The following PDE1B variants were observed in gnomAD, a reference collection of about 807,000 sequenced individuals.
PDE1B encodes phosphodiesterase 1B.
PDE1B carries 13 observed loss-of-function variants against 66.7 expected under a neutral mutation model. The observed-to-expected ratio is 0.19, with a 90% CI of 0.13 to 0.31. The LOEUF (loss-of-function observed/expected upper bound fraction) is 0.31, where lower values mean the gene tolerates loss of function less well. Ranked by LOEUF, PDE1B falls within the 10% of genes least tolerant of loss-of-function variation. The pLI is 1.00. For missense variants in PDE1B, 485 were observed against 682.3 expected (o/e 0.71, Z 3.22); for synonymous variants, 230 against 253.9 (o/e 0.91, Z 0.90).
chr12:54,570,493 C>T (rs1333236775), intron 6 of PDE1B, 136 bp downstream of exon 6: 13 of 662,040 alleles, frequency 2.0e-5, no homozygotes, highest in South Asian at 1.1e-4. Flanking sequence ...CCCATGCCCA[C>T]GCCCAGCCTA....
chr12:54,556,734 A>G (rs1277680471), intron 2 of PDE1B, among the ~76,000 whole-genome samples: 1 of 152,130 alleles, frequency 6.6e-6, no homozygotes, highest in Admixed American at 6.5e-5. Flanking sequence ...AAAGAGCCAG[A>G]CTTCCAGGTC....
chr12:54,549,836 C>G, intron 1 of PDE1B, 24 bp from the exon 2 acceptor site: 1 of 1,511,498 alleles, frequency 6.6e-7, no homozygotes, highest in Non-Finnish European at 9.2e-7. Flanking sequence ...AGCCGAGGTG[C>G]TGTCTCCTCC....
chr12:54,577,479 T>C (rs539520159), intron 15 of PDE1B, 134 bp downstream of exon 15: 21 of 1,598,610 alleles, frequency 1.3e-5, no homozygotes, highest in Admixed American at 5.0e-5. Context: ...AGTGAAGACA[T>C]AGAATGGAGC....
At chr12:54,564,598 G>A (rs575626886) in intron 2 of PDE1B, among the ~76,000 whole-genome samples, 2 of 152,226 alleles carry the variant, frequency 1.3e-5, no homozygotes, top group South Asian at 4.2e-4. Flanking sequence ...TCCAGCCTGG[G>A]TGACAAAGTG....
chr12:54,569,617 T>C lies in PDE1B; in HGVS notation c.477+5T>C. The C allele has an allele frequency of 6.2e-7, 1 of 1,608,476 alleles. No individual in the cohort carries two copies. The highest frequency in any genetic ancestry group is 8.5e-7 in the Non-Finnish European group (1 of 1,174,898). On this transcript the variant is annotated splice_donor_5th_base_variant and intron_variant, in intron 5 of 15. Transcript: ENST00000243052. The surrounding 1 kb of genome is among the most constrained non-coding windows in gnomAD (Gnocchi z 4.4). ...GCGGTTCTCAACTGTCTCAAGGTAA[T>C]CTCTGGGTTTTTGGGAAAGAGGAGA...
chr12:54,567,493 G>T (rs2121107921), intron 3 of PDE1B, among the ~76,000 whole-genome samples: 1 of 146,526 alleles, frequency 6.8e-6, no homozygotes, highest in South Asian at 2.3e-4. Flanking sequence ...GACAGAGCAA[G>T]ACCCTGTCTC....
chr12:54,574,166 A>G (rs1251217942), intron 10 of PDE1B: 2 of 189,478 alleles, frequency 1.1e-5, no homozygotes, highest in East Asian at 1.3e-4. Flanking sequence ...AAAAAAATGC[A>G]TAGAACAAAT....
intron 2 of PDE1B, among the ~76,000 whole-genome samples, chr12:54,558,133 G>A (rs998973797): frequency 1.3e-5 from 2 of 152,142 alleles, no homozygotes; most frequent in African/African-American, 4.8e-5. Flanking sequence ...AGAAGGCACA[G>A]GCACAGGAGG....
At chr12:54,557,583 C>A (rs962255764) in intron 2 of PDE1B, among the ~76,000 whole-genome samples, 3 of 152,208 alleles carry the variant, frequency 2.0e-5, no homozygotes, top group African/African-American at 7.2e-5. Context: ...AAAATCGGGG[C>A]AGTGCTGGGA....
rs182677106 is a variant in PDE1B, at chr12:54,561,859, C to G, written c.114-5115C>G. ...TCCTCCCATTTCCATCCCCCCCCAC[C>G]TTTGTAAAAATTGCTTCTTCTTGAC... On this transcript the variant is annotated intron_variant, in intron 2 of 15. Transcript: ENST00000243052. Among the ~76,000 whole-genome samples the G allele has an allele frequency of 2.0e-5, 3 of 152,024 alleles. No individual in the cohort carries two copies. In the East Asian group the frequency reaches 5.8e-4, roughly 29 times the overall value.
intron 3 of PDE1B, among the ~76,000 whole-genome samples, chr12:54,568,742 G>A (rs1153136): frequency 0.63 from 95,383 of 151,760 alleles, 33,062 homozygotes; most frequent in Middle Eastern, 0.88. Flanking sequence ...GTTGCAGTGA[G>A]CCAAGATCGC....
chr12:54,556,683 G>A (rs984705498), intron 2 of PDE1B, among the ~76,000 whole-genome samples: 1 of 152,206 alleles, frequency 6.6e-6, no homozygotes, highest in African/African-American at 2.4e-5. Flanking sequence ...ATAGGGCATG[G>A]AGAAGAGCTA....
chr12:54,561,139 C>G (rs773080909), intron 2 of PDE1B, among the ~76,000 whole-genome samples: 6 of 152,140 alleles, frequency 3.9e-5, no homozygotes, highest in Non-Finnish European at 8.8e-5. Context: ...GGGGTTCTTG[C>G]AGGGCCCCTT....
intron 2 of PDE1B, among the ~76,000 whole-genome samples, chr12:54,563,548 A>G (rs1957459208): frequency 6.6e-6 from 1 of 152,186 alleles, no homozygotes; most frequent in African/African-American, 2.4e-5. Context: ...ATCCAAACCA[A>G]CTCAGTCTTC....
chr12:54,572,484 T>C (rs2121139702), intron 6 of PDE1B, 117 bp from the exon 7 acceptor site: 2 of 969,088 alleles, frequency 2.1e-6, no homozygotes, highest in Non-Finnish European at 3.3e-6. Flanking sequence ...CTAACTAGGT[T>C]CTGTGCTCTC....
intron 14 of PDE1B, 59 bp downstream of exon 14, chr12:54,576,760 AG>A: frequency 6.5e-7 from 1 of 1,532,322 alleles, no homozygotes; most frequent in Non-Finnish European, 8.9e-7. Flanking sequence ...ATGGAGCACT[AG>A]GAGGTCCATT....
At chr12:54,554,506 A>T (rs985712974) in intron 2 of PDE1B, 5 of 152,086 alleles carry the variant, frequency 3.3e-5, no homozygotes, top group African/African-American at 1.2e-4. Flanking sequence ...TCCTGTCTCT[A>T]TTTCCTCCAT....
chr12:54,556,274 C>G (rs1456653642), intron 2 of PDE1B, among the ~76,000 whole-genome samples: 1 of 152,132 alleles, frequency 6.6e-6, no homozygotes, highest in East Asian at 1.9e-4. Context: ...AAATTGTCCC[C>G]TAAGGCAGCA....
At chr12:54,576,229 G>A (rs540636213) in intron 13 of PDE1B, 129 bp downstream of exon 13, 82 of 686,216 alleles carry the variant, frequency 1.2e-4, no homozygotes, top group African/African-American at 1.2e-3. Context: ...TTCAAGCTTG[G>A]GAGTCCCTCT....
Sources: gnomAD v4.1 joint callset for allele counts (sites outside exome capture counted in the v4.1 genomes callset) on GRCh38, gnomAD v4.1.1 for gene constraint, Gnocchi (gnomAD v3.1) non-coding constraint, MANE v1.5 for transcripts, NCBI Gene and HGNC (gene_info 2026-07-23, HGNC 2026-07-21) for gene names.